The following RELN variants were observed in gnomAD, a reference collection of about 807,000 sequenced individuals.
The protein encoded by RELN is reelin.
A neutral mutation model predicts 427.6 loss-of-function variants in RELN; 108 were observed. The ratio of observed to expected loss-of-function variants is 0.25; its 90% CI spans 0.22 to 0.30. The LOEUF (loss-of-function observed/expected upper bound fraction) is 0.30. Ranked by LOEUF, RELN falls within the 10% of genes least tolerant of loss-of-function variation. The probability of loss-of-function intolerance (pLI) is 1.00; values close to 1 mark genes in which losing one functional copy is unlikely to be tolerated. For synonymous variants in RELN, 1,524 were observed against 1,513.4 expected (o/e 1.01, Z -0.16); for missense variants, 3,715 against 4,302.8 (o/e 0.86, Z 3.82).
intron 51 of RELN, among the ~76,000 whole-genome samples, chr7:103,510,162 T>C (rs1365031672): frequency 6.6e-6 from 1 of 152,180 alleles, no homozygotes; most frequent in African/African-American, 2.4e-5. Context: ...GGATTATAAA[T>C]CATTCTACTA....
chr7:103,600,373 C>A (rs1584332185), intron 24 of RELN, among the ~76,000 whole-genome samples: 1 of 152,188 alleles, frequency 6.6e-6, no homozygotes, highest in East Asian at 1.9e-4. Flanking sequence ...TTATAGCACA[C>A]CATTCCTCCC....
chr7:103,982,834 A>C (rs1361483617), intron 1 of RELN, among the ~76,000 whole-genome samples: 1 of 152,090 alleles, frequency 6.6e-6, no homozygotes, highest in African/African-American at 2.4e-5. Context: ...TTTAATCAAT[A>C]ATTTTCTTTT....
chr7:103,803,323 A>C lies in RELN; in HGVS notation c.474-26696T>G, dbSNP rs572216507. 4.6e-5 allele frequency among the ~76,000 whole-genome samples: 7 copies of C among 152,244 alleles called. No homozygotes were observed. The East Asian group carries it at 1.3e-3, about 29-fold the overall frequency. On this transcript the variant is annotated intron_variant, in intron 3 of 64. Transcript: ENST00000428762. ...TTAAAACACCTTTATATATTTAGTAATTTTAAATACATCTTAACTCTTAAT... is the reference window on the plus strand; with the variant it reads ...TTAAAACACCTTTATATATTTAGTACTTTTAAATACATCTTAACTCTTAAT...
intron 6 of RELN, among the ~76,000 whole-genome samples, chr7:103,741,027 T>A (rs1201932105): frequency 6.6e-6 from 1 of 152,182 alleles, no homozygotes; most frequent in Non-Finnish European, 1.5e-5. Context: ...CCACAAGGAT[T>A]CCCTTTTCCA....
At position 103,569,080 on chromosome 7, in the gene RELN, T is replaced by C. The variant is rs898393021; in HGVS notation, c.4589-2321A>G. Among the ~76,000 whole-genome samples, 1 of 152,232 alleles carries C rather than the reference T, an allele frequency of 6.6e-6. No individual in the cohort carries two copies. ...ATAGAATATGGTGGAAGTAATGGTG[T>C]GTAACTTTGGAAACAGTCATAAAAG... On this transcript the variant is annotated intron_variant, in intron 31 of 64. Coordinates refer to ENST00000428762, the MANE Select transcript of RELN (RefSeq NM_005045.4). This position sits in a 1 kb window ranked among gnomAD's most constrained non-coding sequence, Gnocchi z 4.0.
intron 2 of RELN, among the ~76,000 whole-genome samples, chr7:103,913,445 T>C (rs1282464849): frequency 6.6e-6 from 1 of 152,126 alleles, no homozygotes; most frequent in Non-Finnish European, 1.5e-5. Flanking sequence ...TAACATTCCA[T>C]CAAAAAAGTC....
intron 20 of RELN, among the ~76,000 whole-genome samples, chr7:103,624,896 A>C (rs967244353): frequency 5.3e-5 from 8 of 152,206 alleles, no homozygotes; most frequent in African/African-American, 1.9e-4. Context: ...AAAAAAATAA[A>C]ATTAGACATA....
intron 1 of RELN, among the ~76,000 whole-genome samples, chr7:103,987,670 G>A (rs1797132041): frequency 6.6e-6 from 1 of 152,104 alleles, no homozygotes. Flanking sequence ...GGTTAGGTCT[G>A]GTTGCCATCA....
intron 3 of RELN, among the ~76,000 whole-genome samples, chr7:103,808,520 A>C (rs1486277487): frequency 6.6e-6 from 1 of 152,070 alleles, no homozygotes; most frequent in Non-Finnish European, 1.5e-5. Context: ...GAAAATCTGT[A>C]TTATGAAAGA....
chr7:103,836,570 A>G (rs895861143), intron 2 of RELN, among the ~76,000 whole-genome samples: 2 of 152,012 alleles, frequency 1.3e-5, no homozygotes, highest in African/African-American at 2.4e-5. Flanking sequence ...TCTTGCCCCC[A>G]TGTCTTGCCC....
chr7:103,532,848 G>A (rs1045773734), intron 46 of RELN, among the ~76,000 whole-genome samples: 2 of 152,054 alleles, frequency 1.3e-5, no homozygotes, highest in African/African-American at 2.4e-5. Flanking sequence ...AGAGCATCAT[G>A]TACCTGTTCT....
Position 103,682,246 on chromosome 7 carries a change from C to A in RELN, c.1159G>T (p.Asp387Tyr). ...GATVKHSCQS[D>Y]GNSIYFHGNE... The stretch of plus-strand genomic sequence containing the variant: ...CCATGGAAATAAATGGAGTTCCCAT[C>A]TGACTGACAGCTATGCTGTAGGTGA... The change falls in exon 11 of 65, where the codon GAT becomes TAT. Residue 387 changes from aspartate to tyrosine, a missense_variant. By Grantham distance (160) the Asp-to-Tyr change is radical (BLOSUM62 -3). Coordinates refer to ENST00000428762, the MANE Select transcript of RELN (RefSeq NM_005045.4). The A allele has an allele frequency of 1.9e-6, 3 of 1,614,040 alleles. No individual in the cohort carries two copies. Among genetic ancestry groups the A allele is most frequent in the Non-Finnish European group, 2.5e-6 (3 of 1,179,938 alleles).
chr7:103,954,647 T>A (rs115843958), intron 1 of RELN, among the ~76,000 whole-genome samples: 4,356 of 152,244 alleles, frequency 0.029, 80 homozygotes, highest in Middle Eastern at 0.058. Flanking sequence ...TGAGACCAAG[T>A]TCTGGCATGG....
intron 1 of RELN, among the ~76,000 whole-genome samples, chr7:103,971,426 G>T (rs1228508257): frequency 6.6e-6 from 1 of 152,000 alleles, no homozygotes; most frequent in Non-Finnish European, 1.5e-5. Context: ...ATAAGTAAAG[G>T]ATTTAACAGA....
Position 103,486,354 on chromosome 7 carries a change from C to A in RELN, c.9826G>T (p.Ala3276Ser), listed in dbSNP as rs781713047. 1.9e-6 allele frequency: 3 copies of A among 1,614,100 alleles called. No individual in the cohort carries two copies. Among genetic ancestry groups the A allele is most frequent in the Admixed American group, 3.3e-5 (2 of 60,012 alleles). ...TCCCAGTTTGCCTCGGTGACTCTTGCGGACTCAAAATTATCTTTAATATAA... is the reference window on the plus strand; with the variant it reads ...TCCCAGTTTGCCTCGGTGACTCTTGAGGACTCAAAATTATCTTTAATATAA... ...PSYIKDNFES[A>S]RVTEANWETI... Residue 3276 changes from alanine to serine, a missense_variant, in exon 61 of 65, where the codon GCA becomes TCA. Ala to Ser is a moderately conservative substitution (Grantham distance 99). Around this residue, in one of 4 missense-constraint regions of RELN, gnomAD observed 195 missense variants for 281.3 expected, o/e 0.69. Coordinates refer to ENST00000428762, the MANE Select transcript of RELN (RefSeq NM_005045.4).
At chr7:103,697,507 G>T (rs2115778100) in intron 10 of RELN, among the ~76,000 whole-genome samples, 1 of 152,136 alleles carries the variant, frequency 6.6e-6, no homozygotes, top group East Asian at 1.9e-4. Flanking sequence ...CCATCAGGCT[G>T]TTTCGTATTT....
At chr7:103,851,222 A>G (rs1584296677) in intron 2 of RELN, among the ~76,000 whole-genome samples, 1 of 152,232 alleles carries the variant, frequency 6.6e-6, no homozygotes, top group South Asian at 2.1e-4. Context: ...TTCTAACTGA[A>G]GTAACTCAGG....
intron 2 of RELN, among the ~76,000 whole-genome samples, chr7:103,905,080 A>C (rs1392958852): frequency 6.7e-6 from 1 of 148,728 alleles, no homozygotes; most frequent in Admixed American, 6.9e-5. Context: ...TCCGGGGTTC[A>C]AGTGATTCTC....
chr7:103,731,690 T>A (rs948522925), intron 6 of RELN, among the ~76,000 whole-genome samples: 2 of 152,054 alleles, frequency 1.3e-5, no homozygotes, highest in African/African-American at 2.4e-5. Flanking sequence ...GCCTGGGGGC[T>A]ATTAATGTAA....
Sources: allele counts gnomAD v4.1 joint callset (sites outside exome capture counted in the v4.1 genomes callset), GRCh38; gene constraint gnomAD v4.1.1; regional missense constraint gnomAD v4.1.1; non-coding constraint Gnocchi (gnomAD v3.1); transcripts MANE v1.5; gene names NCBI Gene and HGNC (gene_info 2026-07-23, HGNC 2026-07-21).